ATM: variants seen among roughly 807,000 people sequenced by gnomAD.
ATM encodes ATM serine/threonine kinase.
ATM carries 308 observed loss-of-function variants against 387.0 expected under a neutral mutation model. The observed-to-expected ratio is 0.80, with a 90% CI of 0.73 to 0.87. The LOEUF (loss-of-function observed/expected upper bound fraction) is 0.87, where lower values mean the gene tolerates loss of function less well. ATM is among the 40% of genes least tolerant of loss of function. ATM has a pLI of 0.00. For synonymous variants in ATM, 1,156 were observed against 1,187.3 expected (o/e 0.97, Z 0.54); for missense variants, 3,312 against 3,560.9 (o/e 0.93, Z 1.78).
chr11:108,337,210 T>C (rs1003025281), intron 56 of ATM, among the ~76,000 whole-genome samples: 1 of 152,218 alleles, frequency 6.6e-6, no homozygotes, highest in African/African-American at 2.4e-5. Context: ...ACTTATTGGT[T>C]GGGAGAGGGG....
Position 108,293,478 on chromosome 11 carries a change from G to A in ATM, c.4776+1G>A, listed in dbSNP as rs771117943. ...TAGAGGACCCTTTTCACTCTTGGAGGTAATAAAAATTTCATCATCTACTAT... is the reference window on the plus strand; with the variant it reads ...TAGAGGACCCTTTTCACTCTTGGAGATAATAAAAATTTCATCATCTACTAT... On this transcript the variant is annotated splice_donor_variant, in intron 31 of 62. Coordinates refer to ENST00000675843, the MANE Select transcript of ATM (RefSeq NM_000051.4). LOFTEE classifies it high-confidence loss of function. 4 of 1,608,094 alleles carry A rather than the reference G, an allele frequency of 2.5e-6. No homozygotes were observed. The highest frequency in any genetic ancestry group is 2.2e-5 in the East Asian group (1 of 44,676).
At chr11:108,268,098 A>C (rs1016050317) in intron 17 of ATM, among the ~76,000 whole-genome samples, 3 of 152,164 alleles carry the variant, frequency 2.0e-5, no homozygotes, top group Non-Finnish European at 4.4e-5. Flanking sequence ...TTTCTGTCAT[A>C]AATACCATAA....
intron 1 of ATM, chr11:108,227,065 A>C (rs1380174471): frequency 6.5e-6 from 1 of 153,862 alleles, no homozygotes; most frequent in Non-Finnish European, 1.4e-5. Flanking sequence ...CCCAGGCTGG[A>C]GTACAGTGGC....
intron 43 of ATM, 63 bp from the exon 44 acceptor site, chr11:108,319,891 T>G: frequency 1.7e-6 from 2 of 1,178,154 alleles, no homozygotes; most frequent in Non-Finnish European, 2.5e-6. Flanking sequence ...GTGAAGCTAT[T>G]TATACATGTA....
rs1060501560 is a variant in ATM at position 108,271,276 on chromosome 11, G to A, written c.2947G>A (p.Asp983Asn). ...LSNVCSLYRR[D>N]QDVCKTILNH... ...CAATGTGTGTTCTTTGTATCGTCGT[G>A]ACCAAGATGTTTGTAAAACTATTTT... Residue 983 changes from aspartate to asparagine, a missense_variant, in exon 20 of 63, where the codon GAC becomes AAC. Asp to Asn is a conservative substitution (Grantham distance 23). Transcript: ENST00000675843. The A allele has an allele frequency of 6.2e-7, 1 of 1,611,522 alleles. No homozygotes were observed. Among genetic ancestry groups the A allele is most frequent in the Non-Finnish European group, 8.5e-7 (1 of 1,179,602 alleles).
At chr11:108,336,655 C>G (rs964561305) in intron 56 of ATM, among the ~76,000 whole-genome samples, 1 of 152,134 alleles carries the variant, frequency 6.6e-6, no homozygotes, top group African/African-American at 2.4e-5. Flanking sequence ...TTCATACATG[C>G]GCAGGCAAAT....
intron 22 of ATM, among the ~76,000 whole-genome samples, chr11:108,277,243 C>T (rs569598551): frequency 6.6e-6 from 1 of 152,288 alleles, no homozygotes; most frequent in Admixed American, 6.5e-5. Flanking sequence ...CCCAGGTCGA[C>T]TTCAGACTGT....
At chr11:108,251,801 G>A in intron 10 of ATM, 36 bp from the exon 11 acceptor site, 1 of 1,608,780 alleles carries the variant, frequency 6.2e-7, no homozygotes, top group Non-Finnish European at 8.5e-7. Context: ...CCCTCCAATA[G>A]CTTGCTTTTC....
intron 26 of ATM, 122 bp from the exon 27 acceptor site, chr11:108,287,478 T>TC (rs2082549474): frequency 1.3e-5 from 8 of 603,288 alleles, no homozygotes; most frequent in Non-Finnish European, 2.0e-5. Context: ...GGACTTTGAG[T>TC]CATCTATTTT....
At chr11:108,245,166 G>A (rs2079783055) in intron 7 of ATM, 140 bp downstream of exon 7, 2 of 763,624 alleles carry the variant, frequency 2.6e-6, no homozygotes, top group East Asian at 2.7e-5. Context: ...CCATGAGAAT[G>A]TTTTTCATAG....
At chr11:108,266,210 A>T (rs1034748835) in intron 16 of ATM, among the ~76,000 whole-genome samples, 6 of 150,198 alleles carry the variant, frequency 4.0e-5, no homozygotes, top group Admixed American at 6.7e-5. Context: ...CATTATTCAC[A>T]ATAGCAAAGA....
At chr11:108,283,171 A>G (rs1320241088) in intron 25 of ATM, among the ~76,000 whole-genome samples, 1 of 152,216 alleles carries the variant, frequency 6.6e-6, no homozygotes. Flanking sequence ...CAAGTTACAC[A>G]AGGAGATCTT....
At chr11:108,240,004 C>T (rs1255928988) in intron 5 of ATM, among the ~76,000 whole-genome samples, 1 of 152,120 alleles carries the variant, frequency 6.6e-6, no homozygotes, top group Admixed American at 6.5e-5. Flanking sequence ...TACAGCAAAA[C>T]GGAGTGGAAA....
intron 9 of ATM, among the ~76,000 whole-genome samples, chr11:108,249,757 T>G (rs2080036003): frequency 6.6e-6 from 1 of 152,212 alleles, no homozygotes; most frequent in Admixed American, 6.5e-5. Context: ...ATCAGTGCTC[T>G]TTTGATTACC....
rs1435676137 is a variant in ATM at position 108,362,128 on chromosome 11, A to T, written c.8851-2954A>T. Among the ~76,000 whole-genome samples the T allele has an allele frequency of 2.8e-5, 4 of 141,478 alleles. No homozygotes were observed. In the East Asian group the frequency reaches 8.2e-4, roughly 29 times the overall value. 92.8% of individuals were successfully genotyped at this position (141,478 alleles called of 152,430 possible). ...AAAAAAACAAACAACCCCATCAAAAAGTGGGTGAAGGACATGAACAGACAC... is the reference window on the plus strand; with the variant it reads ...AAAAAAACAAACAACCCCATCAAAATGTGGGTGAAGGACATGAACAGACAC... On this transcript the variant is annotated intron_variant, in intron 61 of 62. Coordinates refer to ENST00000675843, the MANE Select transcript of ATM (RefSeq NM_000051.4).
In ATM at chr11:108,365,190, G is replaced by A. The variant is rs863224582; in HGVS notation, c.8959G>A (p.Asp2987Asn). The A allele has an allele frequency of 6.2e-7, 1 of 1,614,216 alleles. No homozygotes were observed. The highest frequency in any genetic ancestry group is 8.5e-7 in the Non-Finnish European group (1 of 1,180,038). The change falls in exon 62 of 63, where the codon GAT (aspartate) becomes AAT (asparagine). Residue 2987 changes from aspartate (D) to asparagine (N), a missense_variant. By Grantham distance (23) the Asp-to-Asn change is conservative. Around this residue, in one of 4 missense-constraint regions of ATM, gnomAD observed 95 missense variants for 100.3 expected, o/e 0.95. Transcript: ENST00000675843. Reference protein sequence around the residue: ...ETELHPTLNADDQECKRNLSD... With the variant: ...ETELHPTLNANDQECKRNLSD... The stretch of plus-strand genomic sequence containing the variant: ...TGAGCTTCACCCTACTCTGAATGCA[G>A]ATGACCAAGAATGCAAACGAAATCT...
At chr11:108,338,955 G>A (rs2087163584) in intron 56 of ATM, among the ~76,000 whole-genome samples, 1 of 152,048 alleles carries the variant, frequency 6.6e-6, no homozygotes, top group African/African-American at 2.4e-5. Context: ...GGTCTTCTGT[G>A]GTCATTGTGT....
chr11:108,302,042 A>G (rs550968145), intron 35 of ATM, among the ~76,000 whole-genome samples: 1 of 152,286 alleles, frequency 6.6e-6, no homozygotes, highest in South Asian at 2.1e-4. Flanking sequence ...ATTCTTAAAG[A>G]CAGACCTTGT....
At chr11:108,357,115 A>T (rs574458919) in intron 61 of ATM, among the ~76,000 whole-genome samples, 1 of 152,338 alleles carries the variant, frequency 6.6e-6, no homozygotes, top group Admixed American at 6.5e-5. Flanking sequence ...AAGCAGGGCA[A>T]GGCATTGCCT....
Sources: allele counts gnomAD v4.1 joint callset (sites outside exome capture counted in the v4.1 genomes callset), GRCh38; gene constraint gnomAD v4.1.1; regional missense constraint gnomAD v4.1.1; transcripts MANE v1.5; gene names NCBI Gene and HGNC (gene_info 2026-07-23, HGNC 2026-07-21).